RYR2: variants seen among roughly 807,000 people sequenced by gnomAD.
The protein encoded by RYR2 is ryanodine receptor 2, also known as cardiac muscle ryanodine receptor-calcium release channel.
RYR2 carries 227 observed loss-of-function variants against 601.1 expected under a neutral mutation model. The observed-to-expected ratio is 0.38, with a 90% CI of 0.34 to 0.42. RYR2 has a LOEUF of 0.42. RYR2 is among the 10% of genes least tolerant of loss of function. The pLI is 1.00. For synonymous variants in RYR2, 2,223 were observed against 2,175.1 expected (o/e 1.02, Z -0.61); for missense variants, 4,646 against 6,156.5 (o/e 0.75, Z 8.21).
intron 100 of RYR2, among the ~76,000 whole-genome samples, chr1:237,809,929 TAATA>T (rs1452252443): frequency 1.3e-5 from 2 of 152,120 alleles, no homozygotes; most frequent in African/African-American, 4.8e-5. Context: ...AAAAATAATT[TAATA>T]AATGACATTA....
At chr1:237,334,691 G>T (rs1697081799) in intron 3 of RYR2, among the ~76,000 whole-genome samples, 1 of 152,114 alleles carries the variant, frequency 6.6e-6, no homozygotes, top group South Asian at 2.1e-4. Flanking sequence ...CTGGGCGTCT[G>T]CCTATGCACA....
chr1:237,576,551 G>T (rs879925862), intron 29 of RYR2, among the ~76,000 whole-genome samples: 1 of 152,002 alleles, frequency 6.6e-6, no homozygotes, highest in African/African-American at 2.4e-5. Flanking sequence ...ATATGAGATG[G>T]TCACTTCTTC....
chr1:237,306,098 A>C (rs1277511674), intron 2 of RYR2, among the ~76,000 whole-genome samples: 5 of 152,230 alleles, frequency 3.3e-5, no homozygotes, highest in Non-Finnish European at 5.9e-5. Context: ...GTTTGTATAT[A>C]GATAAGGAAA....
rs368064371 is a variant in RYR2, at chr1:237,711,780, G to C, written c.10266G>C (p.Gln3422His). The change falls in exon 71 of 105, where the codon CAG (glutamine) becomes CAC (histidine). Residue 3422 changes from glutamine (Q) to histidine (H), a missense_variant. Physicochemically the swap from Gln to His is conservative, Grantham distance 24. Coordinates refer to ENST00000366574, the MANE Select transcript of RYR2 (RefSeq NM_001035.3). Reference sequence around the variant, plus strand: ...GAGAAGAGCAGAACTTCGTTGTACAGAATGAAATCAACAATATGTCTTTCC... The same window carrying C: ...GAGAAGAGCAGAACTTCGTTGTACACAATGAAATCAACAATATGTCTTTCC... ...FKREEQNFVV[Q>H]NEINNMSFLI... 7.4e-5 allele frequency: 117 copies of C among 1,589,480 alleles called. No individual in the cohort carries two copies. Among genetic ancestry groups the C allele is most frequent in the Non-Finnish European group, 9.0e-5 (104 of 1,160,054 alleles).
At chr1:237,241,193 G>A (rs16835024) in intron 1 of RYR2, among the ~76,000 whole-genome samples, 5,421 of 152,254 alleles carry the variant, frequency 0.036, 310 homozygotes, top group African/African-American at 0.12. Context: ...TGGTCATACT[G>A]TACCAGGCTA....
At chr1:237,560,667 A>G (rs1342918981) in intron 27 of RYR2, among the ~76,000 whole-genome samples, 1 of 152,198 alleles carries the variant, frequency 6.6e-6, no homozygotes, top group Non-Finnish European at 1.5e-5. Context: ...GCCAGCCTTT[A>G]GTTAATTTCC....
chr1:237,525,904 C>T (rs964079117), intron 24 of RYR2, among the ~76,000 whole-genome samples: 17 of 151,614 alleles, frequency 1.1e-4, no homozygotes, highest in Non-Finnish European at 1.6e-4. Flanking sequence ...TGCTTGAACC[C>T]GGGAGGCGGA....
At chr1:237,077,390 G>A (rs1426446532) in intron 1 of RYR2, among the ~76,000 whole-genome samples, 14 of 128,570 alleles carry the variant, frequency 1.1e-4, no homozygotes, top group African/African-American at 3.8e-4. Flanking sequence ...CATCTCACAT[G>A]CAGAGACACA....
At chr1:237,764,117 T>C (rs1339255419) in intron 84 of RYR2, among the ~76,000 whole-genome samples, 3 of 152,328 alleles carry the variant, frequency 2.0e-5, no homozygotes. Context: ...GACCATAAAT[T>C]ATATAGCCAT....
intron 2 of RYR2, among the ~76,000 whole-genome samples, chr1:237,302,383 C>T (rs1020504380): frequency 1.3e-5 from 2 of 152,068 alleles, no homozygotes; most frequent in Middle Eastern, 3.2e-3. Context: ...TAGGGATATA[C>T]CCTTTGAACT....
intron 2 of RYR2, among the ~76,000 whole-genome samples, chr1:237,308,421 T>C (rs537305593): frequency 6.6e-6 from 1 of 152,322 alleles, no homozygotes; most frequent in African/African-American, 2.4e-5. Context: ...TGCTTTGCAC[T>C]GCGCACTCAC....
At chr1:237,368,970 G>C (rs1700425635) in intron 5 of RYR2, among the ~76,000 whole-genome samples, 1 of 151,856 alleles carries the variant, frequency 6.6e-6, no homozygotes, top group African/African-American at 2.4e-5. Flanking sequence ...ATTACAGGCA[G>C]GCATCACCAC....
At chr1:237,495,006 G>T (rs1663897618) in intron 19 of RYR2, among the ~76,000 whole-genome samples, 1 of 152,184 alleles carries the variant, frequency 6.6e-6, no homozygotes, top group East Asian at 1.9e-4. Flanking sequence ...GGCCAGCCTG[G>T]TCTCGAACTC....
intron 79 of RYR2, 26 bp from the exon 80 acceptor site, chr1:237,742,270 C>CCTTTTTTTTTTTTTTTTTT (rs746171474): frequency 1.0e-6 from 1 of 970,338 alleles, no homozygotes; most frequent in South Asian, 2.0e-5. Context: ...TTCCTGTCTC[C>CCTTTTTTTTTTTTTTTTTT]TTTTTTTTTT....
At chr1:237,827,758 G>C (rs1391290571) in intron 101 of RYR2, among the ~76,000 whole-genome samples, 1 of 151,728 alleles carries the variant, frequency 6.6e-6, no homozygotes, top group Non-Finnish European at 1.5e-5. Context: ...CTAACACGGT[G>C]AAACCCTGTC....
At chr1:237,572,877 T>G (rs1672842079) in intron 29 of RYR2, among the ~76,000 whole-genome samples, 1 of 152,164 alleles carries the variant, frequency 6.6e-6, no homozygotes, top group East Asian at 1.9e-4. Flanking sequence ...CCAAATTGAC[T>G]TTATATAGCT....
rs1203009969 is a variant in RYR2 at position 237,833,578 on chromosome 1, A to G, written c.*931A>G. ...GAGAGAAATTTCATGATAATTATTC[A>G]TAGTAATAAAGTGTCGTGGGCTTAA... On this transcript the variant is annotated 3_prime_UTR_variant, in exon 105 of 105. Coordinates refer to ENST00000366574, the MANE Select transcript of RYR2 (RefSeq NM_001035.3). 1 of 152,626 alleles carries G rather than the reference A, an allele frequency of 6.6e-6. No homozygotes were observed. The highest frequency in any genetic ancestry group is 1.5e-5 in the Non-Finnish European group (1 of 68,034). The allele number at this position is 152,626 out of a possible 1,614,324, so 9.5% of individuals were successfully genotyped here.
At chr1:237,724,771 C>A (rs948103091) in intron 74 of RYR2, among the ~76,000 whole-genome samples, 1 of 152,070 alleles carries the variant, frequency 6.6e-6, no homozygotes, top group Non-Finnish European at 1.5e-5. Context: ...ACATTTCTGA[C>A]AGCATTGCTC....
At chr1:237,734,568 T>C (rs1690972150) in intron 79 of RYR2, among the ~76,000 whole-genome samples, 1 of 152,226 alleles carries the variant, frequency 6.6e-6, no homozygotes, top group African/African-American at 2.4e-5. Context: ...TCTTTGGCTG[T>C]TGAACCATGA....
Sources: allele counts gnomAD v4.1 joint callset (sites outside exome capture counted in the v4.1 genomes callset), GRCh38; gene constraint gnomAD v4.1.1; transcripts MANE v1.5; gene names NCBI Gene and HGNC (gene_info 2026-07-23, HGNC 2026-07-21).